The following LRMDA variants were observed in gnomAD, a reference collection of about 807,000 sequenced individuals.
The protein encoded by LRMDA is leucine rich melanocyte differentiation associated.
In LRMDA, 18 loss-of-function variants were observed where a neutral mutation model predicts 29.8. That is an observed-to-expected ratio of 0.60 (90% CI 0.42 to 0.90). The LOEUF (loss-of-function observed/expected upper bound fraction) is 0.90. Among genes scored for constraint, LRMDA ranks in the 40% least tolerant of loss-of-function variants. LRMDA has a pLI of 0.00. For synonymous variants in LRMDA, 125 were observed against 109.4 expected, an observed-to-expected ratio of 1.14 and a Z score of -0.89; for missense variants, 273 against 273.9, an observed-to-expected ratio of 1.00 and a Z score of 0.02.
chr10:75,885,011 C>T (rs1845361282), intron 2 of LRMDA, among the ~76,000 whole-genome samples: 1 of 151,754 alleles, frequency 6.6e-6, no homozygotes, highest in Non-Finnish European at 1.5e-5. Flanking sequence ...TTCAGGAGGC[C>T]TGGGGAGAAC....
intron 2 of LRMDA, among the ~76,000 whole-genome samples, chr10:75,857,430 C>G (rs1445260376): frequency 1.3e-5 from 2 of 152,256 alleles, no homozygotes; most frequent in East Asian, 3.9e-4. Flanking sequence ...AACCTCTCCC[C>G]CTAAGGCTCT....
At position 76,196,996 on chromosome 10, in the gene LRMDA, A is replaced by G. The variant is rs569622766; in HGVS notation, c.517-127405A>G. Among the ~76,000 whole-genome samples the G allele has an allele frequency of 6.6e-5, 10 of 152,308 alleles. No homozygotes were observed. In the East Asian group the frequency reaches 1.4e-3, roughly 21 times the overall value. On this transcript the variant is annotated intron_variant, in intron 5 of 6. Transcript: ENST00000611255. Reference sequence around the variant, plus strand: ...TCTTTTTAATATCCAGTCAGCTGTAACATCACGGGGTCTACCTCCTGAAGC... The same window carrying G: ...TCTTTTTAATATCCAGTCAGCTGTAGCATCACGGGGTCTACCTCCTGAAGC...
At chr10:75,803,497 G>A (rs1447418820) in intron 2 of LRMDA, among the ~76,000 whole-genome samples, 2 of 152,176 alleles carry the variant, frequency 1.3e-5, no homozygotes, top group African/African-American at 4.8e-5. Flanking sequence ...CATGGATCCA[G>A]ACCGCCTGCA....
At chr10:75,704,489 G>A (rs1357463827) in intron 2 of LRMDA, among the ~76,000 whole-genome samples, 4 of 152,144 alleles carry the variant, frequency 2.6e-5, no homozygotes, top group Non-Finnish European at 5.9e-5. Flanking sequence ...TTAAGAATTT[G>A]TCATGGTGCA....
intron 6 of LRMDA, among the ~76,000 whole-genome samples, chr10:76,377,043 A>G (rs1486354911): frequency 6.6e-6 from 1 of 150,690 alleles, no homozygotes; most frequent in African/African-American, 2.4e-5. Flanking sequence ...CTGCCACCAC[A>G]CCTGGCTAAT....
chr10:76,147,157 T>C (rs1452562503), intron 5 of LRMDA, among the ~76,000 whole-genome samples: 2 of 152,182 alleles, frequency 1.3e-5, no homozygotes, highest in African/African-American at 2.4e-5. Flanking sequence ...CTGACAATTA[T>C]GTGTCTTGGA....
intron 6 of LRMDA, among the ~76,000 whole-genome samples, chr10:76,525,189 T>A (rs1029309663): frequency 6.6e-6 from 1 of 152,206 alleles, no homozygotes; most frequent in East Asian, 1.9e-4. Context: ...ATGTGTTAAA[T>A]AATTTTGTTA....
chr10:75,943,561 C>T lies in LRMDA; in HGVS notation c.132-92447C>T, dbSNP rs1337297571. 2.0e-5 allele frequency among the ~76,000 whole-genome samples: 3 copies of T among 152,326 alleles called. No individual in the cohort carries two copies. The East Asian group carries it at 5.8e-4, about 29-fold the overall frequency. On this transcript the variant is annotated intron_variant, in intron 2 of 6. Transcript: ENST00000611255. ...AGTGGAATTATCATGGATTTCCTCT[C>T]TGTTATAGAACCAAGAATGTGAATT...
At chr10:75,554,601 A>G (rs1840191844) in intron 2 of LRMDA, among the ~76,000 whole-genome samples, 1 of 152,172 alleles carries the variant, frequency 6.6e-6, no homozygotes, top group Non-Finnish European at 1.5e-5. Flanking sequence ...TAATGATGGT[A>G]ATTATAAGGT....
intron 5 of LRMDA, among the ~76,000 whole-genome samples, chr10:76,252,846 C>G (rs143097698): frequency 6.6e-6 from 1 of 152,120 alleles, no homozygotes; most frequent in African/African-American, 2.4e-5. Context: ...TAATCGCCTT[C>G]GTTTTCTGCA....
At chr10:75,764,863 G>A (rs1045834967) in intron 2 of LRMDA, among the ~76,000 whole-genome samples, 10 of 151,852 alleles carry the variant, frequency 6.6e-5, no homozygotes, top group Non-Finnish European at 1.3e-4. Context: ...AGTCTTTTAG[G>A]AAACAATGGG....
chr10:75,579,543 A>T (rs1482013079), intron 2 of LRMDA, among the ~76,000 whole-genome samples: 1 of 152,232 alleles, frequency 6.6e-6, no homozygotes, highest in African/African-American at 2.4e-5. Flanking sequence ...ACAATAGAAA[A>T]AGAGGGAATC....
intron 2 of LRMDA, among the ~76,000 whole-genome samples, chr10:75,535,473 C>T (rs1839935237): frequency 6.6e-6 from 1 of 152,080 alleles, no homozygotes; most frequent in Non-Finnish European, 1.5e-5. Flanking sequence ...CCATGAATCC[C>T]TCTGTGAAAG....
At chr10:75,456,550 C>A (rs1458089621) in intron 2 of LRMDA, among the ~76,000 whole-genome samples, 1 of 152,192 alleles carries the variant, frequency 6.6e-6, no homozygotes, top group Admixed American at 6.5e-5. Context: ...GTATGCTTTT[C>A]CAGGATGGGA....
chr10:76,114,003 G>T (rs944431738), intron 5 of LRMDA, among the ~76,000 whole-genome samples: 7 of 152,138 alleles, frequency 4.6e-5, no homozygotes, highest in Non-Finnish European at 5.9e-5. Context: ...CTGCTTTGTG[G>T]TTTTTTTCGG....
intron 6 of LRMDA, among the ~76,000 whole-genome samples, chr10:76,326,195 C>T (rs552543961): frequency 5.3e-5 from 8 of 152,078 alleles, no homozygotes; most frequent in South Asian, 4.2e-4. Flanking sequence ...GAGAGAAGAC[C>T]GAAGAAGTTC....
intron 5 of LRMDA, among the ~76,000 whole-genome samples, chr10:76,297,742 T>A (rs1840429215): frequency 6.6e-6 from 1 of 152,034 alleles, no homozygotes; most frequent in Non-Finnish European, 1.5e-5. Context: ...ATTATCACCA[T>A]TGCCCCCCTT....
In LRMDA at chr10:76,480,712, A is replaced by G. The variant is rs532345865; in HGVS notation, c.602-76497A>G. On this transcript the variant is annotated intron_variant, in intron 6 of 6. Coordinates refer to ENST00000611255, the MANE Select transcript of LRMDA (RefSeq NM_001305581.2). ...TTCTTCTTCAATGGAAATAACTTGC[A>G]TGGAGTTTAGATAGTCTGTGGATTT... Among the ~76,000 whole-genome samples the G allele has an allele frequency of 2.6e-4, 39 of 152,082 alleles. 1 individual carries two copies. In the South Asian group the frequency reaches 7.9e-3, roughly 31 times the overall value.
intron 6 of LRMDA, among the ~76,000 whole-genome samples, chr10:76,544,939 T>C (rs1843401683): frequency 6.6e-6 from 1 of 152,194 alleles, no homozygotes; most frequent in South Asian, 2.1e-4. Context: ...TCAGATTCCC[T>C]TTGTTTTCTT....
Sources: gnomAD v4.1 joint callset for allele counts (sites outside exome capture counted in the v4.1 genomes callset) on GRCh38, gnomAD v4.1.1 for gene constraint, MANE v1.5 for transcripts, NCBI Gene and HGNC (gene_info 2026-07-23, HGNC 2026-07-21) for gene names.